Variants in STAMBP observed in about 807,000 individuals in gnomAD.
STAMBP encodes STAM-binding protein.
STAMBP carries 31 observed loss-of-function variants against 50.7 expected under a neutral mutation model. The observed-to-expected ratio is 0.61, with a 90% CI of 0.46 to 0.83. The LOEUF (loss-of-function observed/expected upper bound fraction) is 0.83, where lower values mean the gene tolerates loss of function less well. STAMBP is among the 40% of genes least tolerant of loss of function. The pLI, the probability that STAMBP is intolerant of heterozygous loss-of-function variation, is 0.00. For synonymous variants in STAMBP, 211 were observed against 192.4 expected, an observed-to-expected ratio of 1.10 and a Z score of -0.80; for missense variants, 472 against 518.9, an observed-to-expected ratio of 0.91 and a Z score of 0.88.
rs991959202 is a variant in STAMBP, at chr2:73,862,737, A to T, written c.*478A>T. The T allele has an allele frequency of 6.5e-6, 1 of 152,678 alleles. No homozygotes were observed. Among genetic ancestry groups the T allele is most frequent in the East Asian group, 1.9e-4 (1 of 5,198 alleles). 9.5% of individuals were successfully genotyped at this position (152,678 alleles called of 1,614,324 possible). A position where few individuals can be genotyped will look rare whatever the true frequency, so the allele number is the denominator to read the frequency against. On this transcript the variant is annotated 3_prime_UTR_variant, in exon 10 of 10. Coordinates refer to ENST00000394070, the MANE Select transcript of STAMBP (RefSeq NM_213622.4). ...CTGTGGTTTATGGCAATATGAATGG[A>T]GCTTATTACTGGGGTGAGGGACAGC...
chr2:73,847,849 C>T, intron 5 of STAMBP, 96 bp downstream of exon 5: 1 of 1,459,474 alleles, frequency 6.9e-7, no homozygotes, highest in Non-Finnish European at 9.2e-7. Context: ...TGATCCCACT[C>T]ATTAAGCTTT....
At chr2:73,871,238 G>T (rs1297066281), downstream of STAMBP, among the ~76,000 whole-genome samples, 3 of 152,116 alleles carry the variant, frequency 2.0e-5, no homozygotes, top group Non-Finnish European at 4.4e-5. Context: ...ATAGAACCCT[G>T]TTAGTTAAAA....
At chr2:73,873,280 ATT>A (rs1322606963) in intron 10 of STAMBP, 1 of 152,224 alleles carries the variant, frequency 6.6e-6, no homozygotes, top group African/African-American at 2.4e-5. Context: ...TGCAGCTGCC[ATT>A]CTTTATTGAT....
downstream of STAMBP, among the ~76,000 whole-genome samples, chr2:73,867,658 C>G: frequency 6.6e-6 from 1 of 152,262 alleles, no homozygotes; most frequent in South Asian, 2.1e-4. Flanking sequence ...TACAATATCA[C>G]AAATTAAAAT....
intron 7 of STAMBP, among the ~76,000 whole-genome samples, chr2:73,857,797 C>T (rs1573386299): frequency 1.3e-5 from 2 of 152,116 alleles, no homozygotes; most frequent in Admixed American, 1.3e-4. Context: ...ATCTCCCCCA[C>T]CCCACTTGTG....
At chr2:73,858,981 C>T (rs375611258) in intron 7 of STAMBP, among the ~76,000 whole-genome samples, 43 of 151,998 alleles carry the variant, frequency 2.8e-4, no homozygotes, top group African/African-American at 1.0e-3. Flanking sequence ...ATGTTTTTTT[C>T]CTATACATGC....
intron 2 of STAMBP, among the ~76,000 whole-genome samples, chr2:73,842,078 A>T (rs549395925): frequency 6.6e-6 from 1 of 152,124 alleles, no homozygotes; most frequent in Non-Finnish European, 1.5e-5. Context: ...TATCTGTTCT[A>T]TTACCCCTGC....
intron 2 of STAMBP, among the ~76,000 whole-genome samples, chr2:73,844,360 A>T (rs577135638): frequency 6.6e-6 from 1 of 152,330 alleles, no homozygotes; most frequent in African/African-American, 2.4e-5. Context: ...GAAAAAAGCC[A>T]AAGTTAAAGG....
At chr2:73,872,969 C>T (rs1391508078) in intron 10 of STAMBP, among the ~76,000 whole-genome samples, 3 of 152,290 alleles carry the variant, frequency 2.0e-5, no homozygotes, top group Non-Finnish European at 4.4e-5. Context: ...GCATAACAAA[C>T]CCAACATCAG....
At chr2:73,831,106 C>T (rs370678158) in intron 2 of STAMBP, 47 bp downstream of exon 2, 4 of 1,524,234 alleles carry the variant, frequency 2.6e-6, no homozygotes, top group South Asian at 2.3e-5. Context: ...ACTGGTGCCT[C>T]GCCTATTTGG....
At chr2:73,869,087 A>G (rs558034729), downstream of STAMBP, among the ~76,000 whole-genome samples, 1 of 152,342 alleles carries the variant, frequency 6.6e-6, no homozygotes, top group East Asian at 1.9e-4. Context: ...TGGAAAGCAG[A>G]CAGGTTTGGG....
intron 7 of STAMBP, among the ~76,000 whole-genome samples, chr2:73,852,834 T>C (rs1677008424): frequency 1.4e-5 from 2 of 146,922 alleles, no homozygotes; most frequent in South Asian, 2.3e-4. Flanking sequence ...CCCGCCACTA[T>C]GCCTGGCTAA....
intron 4 of STAMBP, 38 bp from the exon 5 acceptor site, chr2:73,847,349 A>G (rs375964567): frequency 3.2e-5 from 49 of 1,549,210 alleles, no homozygotes; most frequent in Non-Finnish European, 4.1e-5. Flanking sequence ...GAAGTCACTG[A>G]GGTGTGAAGT....
chr2:73,846,447 A>G (rs1372748644), intron 4 of STAMBP, among the ~76,000 whole-genome samples: 1 of 151,840 alleles, frequency 6.6e-6, no homozygotes, highest in African/African-American at 2.4e-5. Flanking sequence ...CAAAAAATAC[A>G]AAAATTAGCT....
chr2:73,859,265 A>T lies in STAMBP; in HGVS notation c.1017A>T (p.Thr339=), dbSNP rs1224258506. 6.2e-7 allele frequency: 1 copy of T among 1,613,060 alleles called. No homozygotes were observed. The highest frequency in any genetic ancestry group is 1.1e-5 in the South Asian group (1 of 91,010). The part of the protein sequence containing the change: ...ITLGWIHTHP[T]QTAFLSSVDL... ...TTTTCTCTCCTCAGACTCACCCCAC[A>T]CAGACCGCGTTTCTCTCCAGTGTCG... is the stretch of plus-strand genomic sequence containing the variant. The change falls in exon 8 of 10, where the codon ACA becomes ACT. Residue 339 remains threonine (T), a synonymous_variant. Coordinates refer to ENST00000394070, the MANE Select transcript of STAMBP (RefSeq NM_213622.4).
At position 73,866,084 on chromosome 2, in the gene STAMBP, A is replaced by C. The variant is rs536779709; in HGVS notation, c.*3825A>C. ...ACTTCTTGAGATGAAGGAAGGGCAG[A>C]ACATTGGCCCTCTTCACTGAAGTCT... On this transcript the variant is annotated 3_prime_UTR_variant, in exon 10 of 10. Coordinates refer to ENST00000394070, the MANE Select transcript of STAMBP (RefSeq NM_213622.4). 1 of 152,238 alleles carries C rather than the reference A, an allele frequency of 6.6e-6. No individual in the cohort carries two copies. Among genetic ancestry groups the C allele is most frequent in the Admixed American group, 6.5e-5 (1 of 15,290 alleles). 9.4% of individuals were successfully genotyped at this position (152,238 alleles called of 1,614,324 possible).
intron 2 of STAMBP, 118 bp downstream of exon 2, chr2:73,831,177 C>A: frequency 1.3e-6 from 1 of 782,438 alleles, no homozygotes; most frequent in African/African-American, 1.7e-5. Context: ...TTTTTGCTGG[C>A]AACTCCTACA....
chr2:73,869,562 G>C (rs1051607384), downstream of STAMBP, among the ~76,000 whole-genome samples: 1 of 151,918 alleles, frequency 6.6e-6, no homozygotes, highest in Non-Finnish European at 1.5e-5. Flanking sequence ...TTTAAAAATT[G>C]AAAGAAAAAA....
intron 1 of STAMBP, 115 bp from the exon 2 acceptor site, chr2:73,830,730 T>G (rs1309873281): frequency 2.5e-6 from 2 of 786,968 alleles, no homozygotes; most frequent in Non-Finnish European, 4.0e-6. Context: ...AGCCACAGCA[T>G]TTGGTATGTT....
Sources: gnomAD v4.1 joint callset for allele counts (sites outside exome capture counted in the v4.1 genomes callset) on GRCh38, gnomAD v4.1.1 for gene constraint, MANE v1.5 for transcripts, NCBI Gene and HGNC (gene_info 2026-07-23, HGNC 2026-07-21) for gene names.